The following THRB variants were observed in gnomAD, a reference collection of about 807,000 sequenced individuals.
The protein encoded by THRB is nuclear receptor subfamily 1 group A member 2.
In THRB, 12 loss-of-function variants were observed where a neutral mutation model predicts 47.8. That is an observed-to-expected ratio of 0.25 (90% CI 0.16 to 0.41). The LOEUF (loss-of-function observed/expected upper bound fraction) is 0.41, where lower values mean the gene tolerates loss of function less well. THRB is among the 10% of genes least tolerant of loss of function. THRB has a pLI of 1.00. For missense variants in THRB, 348 were observed against 589.2 expected, an observed-to-expected ratio of 0.59 and a Z score of 4.24; for synonymous variants, 218 against 212.2, an observed-to-expected ratio of 1.03 and a Z score of -0.24.
intron 5 of THRB, among the ~76,000 whole-genome samples, chr3:24,185,929 C>T (rs12639308): frequency 1.3e-5 from 2 of 152,240 alleles, no homozygotes; most frequent in East Asian, 3.9e-4. Flanking sequence ...GGGCTCAAGT[C>T]CCAGGGTGAT....
chr3:24,426,601 T>A (rs1275743210), intron 1 of THRB, among the ~76,000 whole-genome samples: 1 of 151,982 alleles, frequency 6.6e-6, no homozygotes, highest in Non-Finnish European at 1.5e-5. Context: ...TAAGACAGGT[T>A]TATGTCGTTT....
At chr3:24,149,806 T>C (rs1430688379) in intron 6 of THRB, among the ~76,000 whole-genome samples, 1 of 152,212 alleles carries the variant, frequency 6.6e-6, no homozygotes, top group African/African-American at 2.4e-5. Context: ...TGAAGACATT[T>C]AAAACAGTCT....
rs989724063 is a variant in THRB at position 24,403,524 on chromosome 3, T to C, written c.-260-66153A>G. Reference sequence around the variant, plus strand: ...CATAATACTACTAAGGCATTACTTTTTCACTGTGTTGACATTTGCACTGTT... The same window carrying C: ...CATAATACTACTAAGGCATTACTTTCTCACTGTGTTGACATTTGCACTGTT... On this transcript the variant is annotated intron_variant, in intron 1 of 10. Transcript: ENST00000646209. Among the ~76,000 whole-genome samples the C allele has an allele frequency of 6.6e-5, 6 of 91,216 alleles. No homozygotes were observed. In the East Asian group the frequency reaches 7.7e-4, roughly 12 times the overall value. 59.8% of individuals were successfully genotyped at this position (91,216 alleles called of 152,430 possible).
intron 5 of THRB, among the ~76,000 whole-genome samples, chr3:24,169,165 G>T (rs1054137771): frequency 6.6e-6 from 1 of 152,052 alleles, no homozygotes; most frequent in Non-Finnish European, 1.5e-5. Flanking sequence ...TGGGCTCATG[G>T]CCCCTGAGAA....
At chr3:24,163,742 A>C (rs535956513) in intron 5 of THRB, among the ~76,000 whole-genome samples, 1 of 152,216 alleles carries the variant, frequency 6.6e-6, no homozygotes, top group Admixed American at 6.5e-5. Flanking sequence ...TATATTTATA[A>C]ATAAAAATCA....
chr3:24,282,876 C>G (rs1156960870), intron 3 of THRB, among the ~76,000 whole-genome samples: 1 of 151,202 alleles, frequency 6.6e-6, no homozygotes, highest in East Asian at 1.9e-4. Context: ...CCTCCCAAGA[C>G]TAAACCAGGA....
At chr3:24,224,195 A>G (rs2047428576) in intron 4 of THRB, among the ~76,000 whole-genome samples, 1 of 152,192 alleles carries the variant, frequency 6.6e-6, no homozygotes, top group Non-Finnish European at 1.5e-5. Flanking sequence ...ATTATCGGAA[A>G]GATGCAAAAT....
chr3:24,457,385 C>T (rs1302236760), intron 1 of THRB, among the ~76,000 whole-genome samples: 1 of 152,128 alleles, frequency 6.6e-6, no homozygotes, highest in Non-Finnish European at 1.5e-5. Flanking sequence ...GAACACTTGG[C>T]ATTTGATTAG....
At chr3:24,424,311 G>A (rs1352694070) in intron 1 of THRB, among the ~76,000 whole-genome samples, 2 of 151,914 alleles carry the variant, frequency 1.3e-5, no homozygotes, top group African/African-American at 4.8e-5. Context: ...CGAAAACATT[G>A]TTGAAAGAGT....
chr3:24,461,926 A>G (rs1263978409), intron 1 of THRB, among the ~76,000 whole-genome samples: 1 of 152,198 alleles, frequency 6.6e-6, no homozygotes, highest in South Asian at 2.1e-4. Flanking sequence ...ATAATTTTAA[A>G]GAATAATATT....
chr3:24,165,287 G>A (rs769485410), intron 5 of THRB: 1 of 764,996 alleles, frequency 1.3e-6, no homozygotes, highest in East Asian at 2.4e-5. Context: ...ATAATCAGTG[G>A]ACTGCATGTA....
chr3:24,366,651 T>A (rs1285253051), intron 1 of THRB, among the ~76,000 whole-genome samples: 1 of 138,564 alleles, frequency 7.2e-6, no homozygotes, highest in Non-Finnish European at 1.5e-5. Context: ...AGAAGGAGTC[T>A]CTCTCTGTCA....
At chr3:24,125,573 C>G (rs140438257) in intron 10 of THRB, among the ~76,000 whole-genome samples, 1 of 152,172 alleles carries the variant, frequency 6.6e-6, no homozygotes, top group Non-Finnish European at 1.5e-5. Context: ...CAAAGTCACA[C>G]AAGGAGTCCT....
At chr3:24,202,601 G>A (rs1398311682) in intron 4 of THRB, among the ~76,000 whole-genome samples, 2 of 152,148 alleles carry the variant, frequency 1.3e-5, no homozygotes, top group Non-Finnish European at 2.9e-5. Context: ...CCATCTAGAA[G>A]GTTAAAAAGC....
At chr3:24,360,459 C>A (rs1048572724) in intron 1 of THRB, among the ~76,000 whole-genome samples, 1 of 152,162 alleles carries the variant, frequency 6.6e-6, no homozygotes, top group Non-Finnish European at 1.5e-5. Flanking sequence ...TGCATATTAA[C>A]ATTAAAGTTT....
chr3:24,242,663 G>A (rs1375675395), intron 3 of THRB, among the ~76,000 whole-genome samples: 1 of 152,172 alleles, frequency 6.6e-6, no homozygotes. Context: ...TGTTTGTTGA[G>A]TGAATCACAT....
At chr3:24,269,401 GCGCACACA>G (rs1470909170) in intron 3 of THRB, among the ~76,000 whole-genome samples, 38 of 45,678 alleles carry the variant, frequency 8.3e-4, no homozygotes, top group Middle Eastern at 0.023. Context: ...GCGCGCGCGC[GCGCACACA>G]CACACACACA....
intron 3 of THRB, among the ~76,000 whole-genome samples, chr3:24,241,066 C>T (rs1283317398): frequency 6.6e-6 from 1 of 152,120 alleles, no homozygotes; most frequent in African/African-American, 2.4e-5. Flanking sequence ...AATGGGCACA[C>T]CTGAATTTGG....
At chr3:24,223,143 GA>G (rs1459238050) in intron 4 of THRB, among the ~76,000 whole-genome samples, 1 of 152,178 alleles carries the variant, frequency 6.6e-6, no homozygotes, top group Non-Finnish European at 1.5e-5. Context: ...TGACTGTCCT[GA>G]GTTTGGGAGA....
Sources: allele counts gnomAD v4.1 joint callset (sites outside exome capture counted in the v4.1 genomes callset), GRCh38; gene constraint gnomAD v4.1.1; transcripts MANE v1.5; gene names NCBI Gene and HGNC (gene_info 2026-07-23, HGNC 2026-07-21).